LRBA: variants seen among roughly 807,000 people sequenced by gnomAD.
The protein encoded by LRBA is LPS responsive beige-like anchor protein.
LRBA carries 176 observed loss-of-function variants against 330.0 expected under a neutral mutation model. The ratio of observed to expected loss-of-function variants is 0.53; its 90% confidence interval spans 0.47 to 0.60. LRBA has a LOEUF of 0.60. Among genes scored for constraint, LRBA ranks in the 20% least tolerant of loss-of-function variants. LRBA has a pLI of 0.00. For missense variants in LRBA, 3,259 were observed against 3,444.8 expected (o/e 0.95, Z 1.35); for synonymous variants, 1,230 against 1,193.0 (o/e 1.03, Z -0.64).
intron 35 of LRBA, among the ~76,000 whole-genome samples, chr4:150,752,761 G>A (rs1287535163): frequency 6.6e-6 from 1 of 151,996 alleles, no homozygotes; most frequent in African/African-American, 2.4e-5. Flanking sequence ...ATAATCCCTA[G>A]TTGAACATTT....
At chr4:150,804,903 A>G (rs1742333940) in intron 33 of LRBA, among the ~76,000 whole-genome samples, 1 of 152,050 alleles carries the variant, frequency 6.6e-6, no homozygotes, top group Non-Finnish European at 1.5e-5. Flanking sequence ...TCTTGCCAGT[A>G]CACTGCACTC....
intron 2 of LRBA, among the ~76,000 whole-genome samples, chr4:150,952,603 T>C (rs941298902): frequency 1.3e-5 from 2 of 152,110 alleles, no homozygotes; most frequent in Non-Finnish European, 2.9e-5. Context: ...CTGAGCCTCA[T>C]CCTGACCGTC....
At chr4:150,845,651 A>T (rs1749750634) in intron 26 of LRBA, among the ~76,000 whole-genome samples, 1 of 152,196 alleles carries the variant, frequency 6.6e-6, no homozygotes, top group African/African-American at 2.4e-5. Context: ...CTGGCCTATC[A>T]CATGGCTAGC....
intron 36 of LRBA, among the ~76,000 whole-genome samples, chr4:150,700,024 T>C (rs1439857976): frequency 6.6e-6 from 1 of 152,174 alleles, no homozygotes; most frequent in Non-Finnish European, 1.5e-5. Context: ...GCATTCTGAT[T>C]TCCAGGTTTT....
At chr4:151,010,631 A>G (rs543143102) in intron 2 of LRBA, among the ~76,000 whole-genome samples, 68 of 152,340 alleles carry the variant, frequency 4.5e-4, no homozygotes, top group African/African-American at 1.5e-3. Flanking sequence ...CTGTAATCCC[A>G]GCACTTTGGG....
chr4:150,618,180 C>T (rs928941878), intron 37 of LRBA, among the ~76,000 whole-genome samples: 11 of 152,092 alleles, frequency 7.2e-5, no homozygotes, highest in Admixed American at 7.2e-4. Flanking sequence ...ACAGTATAAT[C>T]AGCTTCTGCA....
chr4:150,370,500 A>C (rs770295261), intron 47 of LRBA, among the ~76,000 whole-genome samples: 23 of 152,200 alleles, frequency 1.5e-4, no homozygotes, highest in Non-Finnish European at 2.9e-4. Context: ...TATGGGGACT[A>C]TAAAAAGATC....
At chr4:150,305,566 C>G (rs1730256526) in intron 52 of LRBA, among the ~76,000 whole-genome samples, 1 of 151,964 alleles carries the variant, frequency 6.6e-6, no homozygotes, top group Non-Finnish European at 1.5e-5. Flanking sequence ...TTAAACAAAC[C>G]CAGACTGGTA....
At chr4:150,508,669 AT>A (rs1761464355) in intron 40 of LRBA, among the ~76,000 whole-genome samples, 1 of 152,240 alleles carries the variant, frequency 6.6e-6, no homozygotes, top group African/African-American at 2.4e-5. Context: ...AAGAGGCTTT[AT>A]TTAACTATCC....
chr4:150,307,138 T>C (rs957164406), intron 52 of LRBA, among the ~76,000 whole-genome samples: 2 of 152,088 alleles, frequency 1.3e-5, no homozygotes, highest in Non-Finnish European at 2.9e-5. Flanking sequence ...TAATATAGAA[T>C]GTCAACAAAC....
In LRBA at chr4:150,398,380, C is replaced by T. The variant is rs1027793445; in HGVS notation, c.7194+17058G>A. Among the ~76,000 whole-genome samples the T allele has an allele frequency of 7.2e-5, 11 of 152,030 alleles. 1 individual carries two copies. Among genetic ancestry groups the T allele is most frequent in the African/African-American group, 1.9e-4 (8 of 41,378 alleles). On this transcript the variant is annotated intron_variant, in intron 47 of 56. Transcript: ENST00000651943. Reference sequence around the variant, plus strand: ...GCTCATAAAAATGAAAAAGTAAATGCTGCTGGACAAAAAGTGGTCCTTACT... The same window carrying T: ...GCTCATAAAAATGAAAAAGTAAATGTTGCTGGACAAAAAGTGGTCCTTACT...
chr4:150,376,667 A>C (rs1355948510), intron 47 of LRBA, among the ~76,000 whole-genome samples: 1 of 152,228 alleles, frequency 6.6e-6, no homozygotes, highest in Non-Finnish European at 1.5e-5. Flanking sequence ...AAAGGAAAAA[A>C]AATAACAAAT....
chr4:150,438,228 A>T (rs78075244), intron 44 of LRBA, among the ~76,000 whole-genome samples: 5,723 of 152,230 alleles, frequency 0.038, 223 homozygotes, highest in African/African-American at 0.084. Context: ...CACACCTATA[A>T]TCCCAGTGCT....
intron 2 of LRBA, among the ~76,000 whole-genome samples, chr4:150,963,254 T>C (rs1023649563): frequency 6.7e-6 from 1 of 148,832 alleles, no homozygotes; most frequent in Non-Finnish European, 1.5e-5. Flanking sequence ...TGGACTGTAC[T>C]GCTGCCATCT....
At chr4:150,626,051 A>G (rs1776828232) in intron 37 of LRBA, among the ~76,000 whole-genome samples, 1 of 152,018 alleles carries the variant, frequency 6.6e-6, no homozygotes, top group Non-Finnish European at 1.5e-5. Flanking sequence ...CCAGGATGAA[A>G]AAACAATTGG....
chr4:150,759,718 C>T (rs1333811598), intron 35 of LRBA, among the ~76,000 whole-genome samples: 1 of 151,458 alleles, frequency 6.6e-6, no homozygotes, highest in Non-Finnish European at 1.5e-5. Flanking sequence ...TTTGAATGTA[C>T]AATCCACGAA....
chr4:150,819,064 A>C (rs2126775052), intron 30 of LRBA, among the ~76,000 whole-genome samples: 1 of 152,212 alleles, frequency 6.6e-6, no homozygotes, highest in East Asian at 1.9e-4. Context: ...AGAATGGAAT[A>C]TTATTCAGCA....
intron 40 of LRBA, among the ~76,000 whole-genome samples, chr4:150,508,771 AAACATTTC>A (rs1206288428): frequency 6.6e-6 from 1 of 152,208 alleles, no homozygotes; most frequent in African/African-American, 2.4e-5. Context: ...CCCACAATAT[AAACATTTC>A]AACATTCCTC....
chr4:150,417,626 G>A (rs1747968058), intron 46 of LRBA, among the ~76,000 whole-genome samples: 1 of 152,038 alleles, frequency 6.6e-6, no homozygotes, highest in Non-Finnish European at 1.5e-5. Flanking sequence ...CCATGCTCTT[G>A]TTTTATAATT....
Sources: gnomAD v4.1 joint callset for allele counts (sites outside exome capture counted in the v4.1 genomes callset) on GRCh38, gnomAD v4.1.1 for gene constraint, MANE v1.5 for transcripts, NCBI Gene and HGNC (gene_info 2026-07-23, HGNC 2026-07-21) for gene names.